DYRK4: variants seen among roughly 807,000 people sequenced by gnomAD.
DYRK4 encodes dual specificity tyrosine phosphorylation regulated kinase 4, also known as dual specificity tyrosine-phosphorylation-regulated kinase 4.
A neutral mutation model predicts 68.3 loss-of-function variants in DYRK4; 64 were observed. The ratio of observed to expected loss-of-function variants is 0.94; its 90% CI spans 0.77 to 1.15. The LOEUF (loss-of-function observed/expected upper bound fraction) is 1.15, where lower values mean the gene tolerates loss of function less well. DYRK4 is among the 50% of genes most tolerant of loss of function. The pLI is 0.00. For missense variants in DYRK4, 740 were observed against 764.7 expected (o/e 0.97, Z 0.38); for synonymous variants, 274 against 289.9 (o/e 0.95, Z 0.56).
At chr12:4,564,273 G>C (rs954142993) in intron 1 of DYRK4, 1 of 151,886 alleles carries the variant, frequency 6.6e-6, no homozygotes, top group Non-Finnish European at 1.5e-5. Context: ...ATAATTTGAA[G>C]CCCTGACTTG....
At chr12:4,596,360 C>T in intron 7 of DYRK4, 75 bp downstream of exon 7, 2 of 1,593,758 alleles carry the variant, frequency 1.3e-6, no homozygotes, top group Admixed American at 1.7e-5. Flanking sequence ...CCAGCCCTTC[C>T]TGACTGTGCC....
chr12:4,593,822 C>A (rs534024280), intron 6 of DYRK4, among the ~76,000 whole-genome samples: 2 of 152,144 alleles, frequency 1.3e-5, no homozygotes, highest in Admixed American at 6.5e-5. Context: ...ATTTCCTCTT[C>A]GGAACATTTC....
chr12:4,608,400 A>G (rs1355979640), intron 12 of DYRK4, among the ~76,000 whole-genome samples: 1 of 152,162 alleles, frequency 6.6e-6, no homozygotes, highest in African/African-American at 2.4e-5. Flanking sequence ...ATGTATGCAA[A>G]TCACACAATT....
intron 10 of DYRK4, chr12:4,602,607 A>G: frequency 1.5e-6 from 2 of 1,338,296 alleles, no homozygotes; most frequent in Middle Eastern, 1.8e-4. Flanking sequence ...TTGCTGCAGA[A>G]TCTTCTTTCT....
At chr12:4,579,045 G>C (rs1418062860) in intron 2 of DYRK4, among the ~76,000 whole-genome samples, 1 of 152,156 alleles carries the variant, frequency 6.6e-6, no homozygotes, top group Non-Finnish European at 1.5e-5. Context: ...GGGAGGCCGA[G>C]GTGGGTGGAT....
chr12:4,589,437 C>T (rs1944929837), intron 3 of DYRK4, among the ~76,000 whole-genome samples: 1 of 152,196 alleles, frequency 6.6e-6, no homozygotes, highest in South Asian at 2.1e-4. Context: ...ATTCAGTGTA[C>T]GTTTTTGTAC....
At chr12:4,605,938 T>G (rs1049973638) in intron 11 of DYRK4, among the ~76,000 whole-genome samples, 2 of 152,144 alleles carry the variant, frequency 1.3e-5, no homozygotes, top group Non-Finnish European at 2.9e-5. Flanking sequence ...AATGGTGATC[T>G]GTCATCTAAA....
chr12:4,570,329 CA>C (rs1444214342), intron 2 of DYRK4, among the ~76,000 whole-genome samples: 1 of 152,150 alleles, frequency 6.6e-6, no homozygotes, highest in East Asian at 1.9e-4. Flanking sequence ...TTCACAATGA[CA>C]TTTAAAAATA....
At chr12:4,568,439 G>C (rs1591783388) in intron 2 of DYRK4, among the ~76,000 whole-genome samples, 1 of 151,670 alleles carries the variant, frequency 6.6e-6, no homozygotes, top group African/African-American at 2.4e-5. Context: ...AGGCTGGAGT[G>C]AAATGGTGCA....
intron 10 of DYRK4, among the ~76,000 whole-genome samples, chr12:4,603,603 G>A (rs755451396): frequency 3.3e-5 from 5 of 152,156 alleles, no homozygotes; most frequent in African/African-American, 9.7e-5. Flanking sequence ...ACCTGCCTCC[G>A]CAGCAGCCAG....
chr12:4,568,039 C>G lies in DYRK4; in HGVS notation c.123C>G (p.Thr41=). 1.3e-6 allele frequency: 2 copies of G among 1,536,052 alleles called. No individual in the cohort carries two copies. The highest frequency in any genetic ancestry group is 1.7e-6 in the Non-Finnish European group (2 of 1,146,858). ...VLKARKKQKF[T]SAKVGSKLSV... is the part of the protein sequence containing the mutation. The stretch of plus-strand genomic sequence containing the variant: ...AAGCAAGAAAGAAACAAAAGTTCAC[C>G]TCTGCGAAGGTAAAGATCCTTGAAT... The change falls in exon 2 of 15, where the codon ACC becomes ACG. Residue 41 remains threonine (T), a synonymous_variant. Coordinates refer to ENST00000543431, the MANE Select transcript of DYRK4 (RefSeq NM_001394779.1).
intron 2 of DYRK4, among the ~76,000 whole-genome samples, chr12:4,586,705 TAC>T (rs527544594): frequency 1.6e-3 from 126 of 77,358 alleles, no homozygotes; most frequent in Middle Eastern, 7.6e-3. Flanking sequence ...CTGGGCTGCG[TAC>T]ACACACACAC....
intron 2 of DYRK4, among the ~76,000 whole-genome samples, chr12:4,577,684 T>C (rs1591789439): frequency 6.6e-6 from 1 of 152,342 alleles, no homozygotes; most frequent in East Asian, 1.9e-4. Context: ...AGGATTCTGA[T>C]TGGGATTGTG....
chr12:4,567,115 A>G (rs1224424061), intron 1 of DYRK4, among the ~76,000 whole-genome samples: 1 of 152,234 alleles, frequency 6.6e-6, no homozygotes, highest in African/African-American at 2.4e-5. Context: ...CAATAGTTAT[A>G]CTGCAAGAAA....
intron 2 of DYRK4, chr12:4,580,832 AAGG>A (rs1457138297): frequency 1.1e-5 from 5 of 455,660 alleles, no homozygotes; most frequent in Non-Finnish European, 2.2e-5. Flanking sequence ...AGGAAGAGAC[AAGG>A]AGGAGTCAGC....
At chr12:4,588,568 C>A (rs1254622970) in intron 2 of DYRK4, among the ~76,000 whole-genome samples, 1 of 152,336 alleles carries the variant, frequency 6.6e-6, no homozygotes, top group East Asian at 1.9e-4. Context: ...GGCGAAAAGA[C>A]TTCCAGGCAA....
chr12:4,568,619 C>T (rs1265682005), intron 2 of DYRK4, among the ~76,000 whole-genome samples: 1 of 152,204 alleles, frequency 6.6e-6, no homozygotes, highest in Non-Finnish European at 1.5e-5. Flanking sequence ...CTCCCGACCT[C>T]AAGTGATCTG....
At chr12:4,580,348 G>C (rs1383256482) in intron 2 of DYRK4, among the ~76,000 whole-genome samples, 1 of 152,242 alleles carries the variant, frequency 6.6e-6, no homozygotes. Flanking sequence ...CAGGGGTGCA[G>C]CTGTGGCTGT....
chr12:4,584,475 G>A (rs1204564451), intron 2 of DYRK4, among the ~76,000 whole-genome samples: 1 of 151,568 alleles, frequency 6.6e-6, no homozygotes, highest in African/African-American at 2.4e-5. Context: ...TAGTTATTTT[G>A]CATAAATGCC....
Sources: gnomAD v4.1 joint callset for allele counts (sites outside exome capture counted in the v4.1 genomes callset) on GRCh38, gnomAD v4.1.1 for gene constraint, MANE v1.5 for transcripts, NCBI Gene and HGNC (gene_info 2026-07-23, HGNC 2026-07-21) for gene names.